The following RNF150 variants were observed in gnomAD, a reference collection of about 807,000 sequenced individuals.
RNF150 encodes the protein ring finger protein 150.
Under a neutral mutation model 39.3 loss-of-function variants are expected in RNF150, and 24 were observed. That is an observed-to-expected ratio of 0.61 (90% CI 0.44 to 0.86). The LOEUF is 0.86. RNF150 is among the 40% of genes least tolerant of loss of function. RNF150 has a pLI of 0.00. For synonymous variants in RNF150, 255 were observed against 227.3 expected (o/e 1.12, Z -1.10); for missense variants, 502 against 587.8 (o/e 0.85, Z 1.51).
At chr4:140,991,427 T>A (rs1470202165) in intron 1 of RNF150, among the ~76,000 whole-genome samples, 1 of 152,100 alleles carries the variant, frequency 6.6e-6, no homozygotes, top group Non-Finnish European at 1.5e-5. Context: ...TGCCTGTGCC[T>A]ATATCCTGAG....
intron 1 of RNF150, among the ~76,000 whole-genome samples, chr4:141,122,247 T>C (rs1295591492): frequency 6.6e-6 from 1 of 152,096 alleles, no homozygotes; most frequent in African/African-American, 2.4e-5. Flanking sequence ...AGGGAGGAGG[T>C]GGAGTTTCAC....
At chr4:140,932,551 T>A (rs1731688315) in intron 4 of RNF150, among the ~76,000 whole-genome samples, 1 of 152,212 alleles carries the variant, frequency 6.6e-6, no homozygotes, top group South Asian at 2.1e-4. Flanking sequence ...ATCCTCAAGC[T>A]GTCACAGGTA....
intron 1 of RNF150, among the ~76,000 whole-genome samples, chr4:141,211,492 A>T (rs1034436200): frequency 6.6e-6 from 1 of 152,164 alleles, no homozygotes; most frequent in African/African-American, 2.4e-5. Flanking sequence ...AAATGATCTG[A>T]TTCAATTTAT....
At chr4:141,001,221 T>C (rs73858701) in intron 1 of RNF150, among the ~76,000 whole-genome samples, 11,429 of 152,204 alleles carry the variant, frequency 0.075, 483 homozygotes, top group Middle Eastern at 0.16. Context: ...ATGTAGTACC[T>C]CATAATAAAT....
chr4:140,907,692 C>T (rs760144927), intron 6 of RNF150, among the ~76,000 whole-genome samples: 5 of 152,064 alleles, frequency 3.3e-5, no homozygotes, highest in Non-Finnish European at 5.9e-5. Flanking sequence ...TTAATTTTTC[C>T]CCCTGTTCTG....
At chr4:140,987,719 T>C (rs1734059896) in intron 1 of RNF150, among the ~76,000 whole-genome samples, 2 of 152,012 alleles carry the variant, frequency 1.3e-5, no homozygotes, top group Non-Finnish European at 2.9e-5. Flanking sequence ...AATTTATGAC[T>C]AAGTCTTCAA....
At chr4:140,951,408 G>A (rs1165507351) in intron 2 of RNF150, among the ~76,000 whole-genome samples, 1 of 151,932 alleles carries the variant, frequency 6.6e-6, no homozygotes, top group African/African-American at 2.4e-5. Flanking sequence ...TAAAAAAATG[G>A]TAATGAAAAC....
chr4:140,963,846 A>T (rs1431242160), intron 2 of RNF150, among the ~76,000 whole-genome samples: 3 of 152,022 alleles, frequency 2.0e-5, no homozygotes, highest in African/African-American at 4.8e-5. Flanking sequence ...ATTCTTGATT[A>T]AAAAATTCTT....
chr4:141,043,984 C>G (rs1736464812), intron 1 of RNF150, among the ~76,000 whole-genome samples: 1 of 152,164 alleles, frequency 6.6e-6, no homozygotes. Context: ...TACATTGTCT[C>G]ATCTAACACT....
intron 1 of RNF150, among the ~76,000 whole-genome samples, chr4:141,187,208 T>C (rs1349220316): frequency 6.6e-6 from 1 of 152,236 alleles, no homozygotes. Context: ...GATTGCACTG[T>C]GGTCTGAGAG....
chr4:140,876,626 G>A (rs760719594), intron 6 of RNF150, among the ~76,000 whole-genome samples: 102 of 152,238 alleles, frequency 6.7e-4, no homozygotes, highest in South Asian at 6.2e-4. Context: ...TATATCACAC[G>A]TCACCCTCAC....
intron 1 of RNF150, among the ~76,000 whole-genome samples, chr4:140,988,752 C>G (rs1282478512): frequency 2.0e-5 from 3 of 151,918 alleles, no homozygotes; most frequent in African/African-American, 7.3e-5. Flanking sequence ...TGGAACCAAC[C>G]CAAATGTCCA....
intron 6 of RNF150, among the ~76,000 whole-genome samples, chr4:140,891,747 G>C (rs1463276911): frequency 6.6e-6 from 1 of 152,152 alleles, no homozygotes; most frequent in Non-Finnish European, 1.5e-5. Context: ...ACCAGTCCAT[G>C]GTCTGTTAGG....
chr4:140,978,311 TGTCATTACAGTTAGA>T (rs1733738629), intron 1 of RNF150, among the ~76,000 whole-genome samples: 1 of 152,162 alleles, frequency 6.6e-6, no homozygotes, highest in African/African-American at 2.4e-5. Flanking sequence ...AGTGTAGATT[TGTCATTACAGTTAGA>T]GCTAACTGTT....
At chr4:140,969,497 G>A (rs1357521660) in intron 1 of RNF150, among the ~76,000 whole-genome samples, 4 of 152,054 alleles carry the variant, frequency 2.6e-5, no homozygotes, top group Non-Finnish European at 5.9e-5. Context: ...GATTAAGGCT[G>A]CTGGCTGGTT....
intron 2 of RNF150, among the ~76,000 whole-genome samples, chr4:140,951,651 A>G (rs796355315): frequency 6.6e-5 from 10 of 152,090 alleles, no homozygotes; most frequent in African/African-American, 2.4e-4. Flanking sequence ...TAAGGTAAGC[A>G]ATCTTGTGGT....
intron 1 of RNF150, among the ~76,000 whole-genome samples, chr4:141,005,737 A>G (rs901041990): frequency 5.9e-5 from 9 of 152,360 alleles, no homozygotes; most frequent in East Asian, 1.9e-4. Context: ...ATCATGTACT[A>G]TGACAGAGGA....
chr4:141,078,800 AAAAAAAAAATATAT>A (rs1449720423), intron 1 of RNF150, among the ~76,000 whole-genome samples: 3 of 80,782 alleles, frequency 3.7e-5, no homozygotes, highest in Non-Finnish European at 7.7e-5. Context: ...AAAAAAAAAA[AAAAAAAAAATATAT>A]ATATATATAT....
At position 141,143,900 on chromosome 4, in the gene RNF150, A is replaced by G. The variant is rs964834542; in HGVS notation, c.-6+68894T>C. 9.5e-4 allele frequency among the ~76,000 whole-genome samples: 144 copies of G among 152,102 alleles called. 1 individual carries two copies. Among genetic ancestry groups the G allele is most frequent in the African/African-American group, 3.1e-3 (129 of 41,410 alleles). On this transcript the variant is annotated intron_variant, in intron 1 of 7. Coordinates refer to the RNF150 transcript ENST00000420921. Reference sequence around the variant, plus strand: ...GGTACTTTTCCTGACCACCCTCCCTAGAATAAATCTCCTTTCAACTATTAT... The same window carrying G: ...GGTACTTTTCCTGACCACCCTCCCTGGAATAAATCTCCTTTCAACTATTAT...
Sources: allele counts gnomAD v4.1 joint callset (sites outside exome capture counted in the v4.1 genomes callset), GRCh38; gene constraint gnomAD v4.1.1; transcripts MANE v1.5; gene names NCBI Gene and HGNC (gene_info 2026-07-23, HGNC 2026-07-21).